AOPEP: variants seen among roughly 807,000 people sequenced by gnomAD.
AOPEP encodes the protein aminopeptidase O.
AOPEP carries 77 observed loss-of-function variants against 98.1 expected under a neutral mutation model. The ratio of observed to expected loss-of-function variants is 0.78; its 90% confidence interval spans 0.65 to 0.95. The LOEUF is 0.95. Ranked by LOEUF, AOPEP falls within the 40% of genes least tolerant of loss-of-function variation. AOPEP has a pLI of 0.00. For synonymous variants in AOPEP, 346 were observed against 365.3 expected, an observed-to-expected ratio of 0.95 and a Z score of 0.60; for missense variants, 1,024 against 1,024.7, an observed-to-expected ratio of 1.00 and a Z score of 0.01.
At chr9:94,807,812 T>C (rs1273570482) in intron 5 of AOPEP, among the ~76,000 whole-genome samples, 1 of 152,202 alleles carries the variant, frequency 6.6e-6, no homozygotes, top group Non-Finnish European at 1.5e-5. Context: ...ATGTAAGTAT[T>C]TCTTTTAAGG....
At chr9:94,782,555 A>G (rs1409943589) in intron 3 of AOPEP, among the ~76,000 whole-genome samples, 1 of 152,230 alleles carries the variant, frequency 6.6e-6, no homozygotes, top group Non-Finnish European at 1.5e-5. Context: ...AACTTTTCAA[A>G]TGAGCAGTAC....
At chr9:94,884,582 G>T (rs72748544) in intron 5 of AOPEP, among the ~76,000 whole-genome samples, 3,244 of 152,232 alleles carry the variant, frequency 0.021, 88 homozygotes, top group African/African-American at 0.057. Flanking sequence ...GACCTGCTAC[G>T]AGTTAACTGT....
chr9:94,813,192 A>G (rs1850997464), intron 5 of AOPEP, among the ~76,000 whole-genome samples: 1 of 152,196 alleles, frequency 6.6e-6, no homozygotes, highest in African/African-American at 2.4e-5. Context: ...GCAGTAGCAA[A>G]CAGTTACAAG....
At chr9:94,739,177 C>A (rs1832494745) in intron 1 of AOPEP, among the ~76,000 whole-genome samples, 1 of 152,168 alleles carries the variant, frequency 6.6e-6, no homozygotes, top group Admixed American at 6.5e-5. Context: ...TCCTGGAATT[C>A]TGTATTTCCC....
At chr9:95,097,517 C>T in the AOPEP span, among the ~76,000 whole-genome samples, 1 of 152,228 alleles carries the variant, frequency 6.6e-6, no homozygotes, top group Non-Finnish European at 1.5e-5. Flanking sequence ...AAGGGCTGGG[C>T]AGCACGACTG....
At chr9:94,776,848 TG>T (rs981009424) in intron 3 of AOPEP, among the ~76,000 whole-genome samples, 1 of 152,148 alleles carries the variant, frequency 6.6e-6, no homozygotes, top group Non-Finnish European at 1.5e-5. Context: ...CAGTTTCAAA[TG>T]ATTTCATAAT....
chr9:95,095,806 GGA>G, the AOPEP span, among the ~76,000 whole-genome samples: 1 of 152,142 alleles, frequency 6.6e-6, no homozygotes, highest in Non-Finnish European at 1.5e-5. Context: ...CCAAAGGACT[GGA>G]GAGTCTGCCC....
intron 16 of AOPEP, chr9:95,085,611 G>C (rs2070559511): frequency 2.5e-6 from 1 of 405,014 alleles, no homozygotes; most frequent in Non-Finnish European, 4.9e-6. Flanking sequence ...CTGCTGCACA[G>C]TCAGCTTGGG....
chr9:94,990,114 T>C (rs1354287115), intron 11 of AOPEP, among the ~76,000 whole-genome samples: 2 of 152,204 alleles, frequency 1.3e-5, no homozygotes, highest in African/African-American at 4.8e-5. Flanking sequence ...TAGAGGTTGA[T>C]GTCTTGTGTT....
intron 5 of AOPEP, among the ~76,000 whole-genome samples, chr9:94,801,636 C>G (rs1330833748): frequency 2.0e-4 from 30 of 152,264 alleles, no homozygotes. Flanking sequence ...GTTTGGTTCC[C>G]TGTATTTATT....
intron 13 of AOPEP, among the ~76,000 whole-genome samples, chr9:95,011,841 T>TA (rs1262116228): frequency 6.6e-6 from 1 of 151,948 alleles, no homozygotes; most frequent in Non-Finnish European, 1.5e-5. Context: ...ATCTATAGTT[T>TA]AAAAAAAAGT....
intron 3 of AOPEP, among the ~76,000 whole-genome samples, chr9:94,785,504 C>T (rs994272371): frequency 1.3e-5 from 2 of 152,186 alleles, no homozygotes; most frequent in Non-Finnish European, 2.9e-5. Flanking sequence ...GAACTCTGGT[C>T]TCTTTCTGAG....
intron 13 of AOPEP, among the ~76,000 whole-genome samples, chr9:95,059,639 A>C (rs1356023066): frequency 6.6e-6 from 1 of 152,168 alleles, no homozygotes; most frequent in East Asian, 1.9e-4. Context: ...AAATTGTTTT[A>C]GAACACCAGA....
intron 8 of AOPEP, among the ~76,000 whole-genome samples, chr9:94,955,526 G>A (rs2058390517): frequency 6.6e-6 from 1 of 152,176 alleles, no homozygotes; most frequent in Non-Finnish European, 1.5e-5. Flanking sequence ...CCTGCCTGAG[G>A]AGCAGAACTC....
At chr9:94,794,303 T>G (rs745862146) in intron 4 of AOPEP, among the ~76,000 whole-genome samples, 6 of 152,198 alleles carry the variant, frequency 3.9e-5, no homozygotes, top group Non-Finnish European at 7.4e-5. Context: ...TATACCCGGC[T>G]CAATTGTGTC....
chr9:94,732,647 GAC>G (rs1830820217), intron 1 of AOPEP, among the ~76,000 whole-genome samples: 1 of 152,136 alleles, frequency 6.6e-6, no homozygotes, highest in African/African-American at 2.4e-5. Context: ...AAAGAGTGAT[GAC>G]TAGGATTTCA....
In AOPEP at chr9:95,081,027, C is replaced by T. The variant is rs117222079; in HGVS notation, c.2319+247C>T. 2,664 of 506,030 alleles carry T rather than the reference C, an allele frequency of 5.3e-3. 10 individuals are homozygous for T. Among genetic ancestry groups the T allele is most frequent in the Non-Finnish European group, 7.9e-3 (2,235 of 281,576 alleles). 31.3% of individuals were successfully genotyped at this position (506,030 alleles called of 1,614,324 possible). A position where few individuals can be genotyped will look rare whatever the true frequency, so the allele number is the denominator to read the frequency against. On this transcript the variant is annotated intron_variant, in intron 15 of 16. Coordinates refer to ENST00000375315, the MANE Select transcript of AOPEP (RefSeq NM_001193329.3). ...GTGGCCCACACGTCATCCGATGCTG[C>T]GTGCTCACACTTCACGGCATCTCCA...
chr9:94,776,598 G>A (rs912831959), intron 3 of AOPEP, among the ~76,000 whole-genome samples: 4 of 152,168 alleles, frequency 2.6e-5, no homozygotes, highest in Admixed American at 6.5e-5. Flanking sequence ...CACTGCGCCC[G>A]ACCTTTCCTC....
At chr9:94,876,353 T>G (rs1231351689) in intron 5 of AOPEP, among the ~76,000 whole-genome samples, 3 of 151,662 alleles carry the variant, frequency 2.0e-5, no homozygotes, top group African/African-American at 7.3e-5. Flanking sequence ...CATCAGTTGC[T>G]TTTTCTTTTC....
Sources: gnomAD v4.1 joint callset for allele counts (sites outside exome capture counted in the v4.1 genomes callset) on GRCh38, gnomAD v4.1.1 for gene constraint, MANE v1.5 for transcripts, NCBI Gene and HGNC (gene_info 2026-07-23, HGNC 2026-07-21) for gene names.